KIAA1217: variants seen among roughly 807,000 people sequenced by gnomAD.
KIAA1217 encodes KIAA1217, also known as sickle tail protein homolog.
In KIAA1217, 88 loss-of-function variants were observed where a neutral mutation model predicts 163.9. The observed-to-expected ratio is 0.54, with a 90% CI of 0.45 to 0.64. KIAA1217 has a LOEUF of 0.64. KIAA1217 is among the 30% of genes least tolerant of loss of function. The probability of loss-of-function intolerance (pLI) is 0.00; values close to 1 mark genes in which losing one functional copy is unlikely to be tolerated. For missense variants in KIAA1217, 2,372 were observed against 2,475.0 expected (o/e 0.96, Z 0.88); for synonymous variants, 903 against 923.1 (o/e 0.98, Z 0.39).
At chr10:24,201,369 C>T (rs910954661) in intron 2 of KIAA1217, among the ~76,000 whole-genome samples, 3 of 152,126 alleles carry the variant, frequency 2.0e-5, no homozygotes, top group African/African-American at 7.2e-5. Flanking sequence ...CCTGGCCCAA[C>T]CAGTCATTAA....
chr10:23,979,921 TAA>T (rs1845695772), intron 1 of KIAA1217, among the ~76,000 whole-genome samples: 1 of 152,236 alleles, frequency 6.6e-6, no homozygotes, highest in Admixed American at 6.5e-5. Flanking sequence ...AAGATTTTTT[TAA>T]ACTTTATCAT....
chr10:24,327,026 T>A (rs941987445), intron 2 of KIAA1217, among the ~76,000 whole-genome samples: 6 of 152,230 alleles, frequency 3.9e-5, no homozygotes, highest in Non-Finnish European at 8.8e-5. Flanking sequence ...TCTTAGTGTT[T>A]TCAAAACACA....
intron 2 of KIAA1217, among the ~76,000 whole-genome samples, chr10:24,193,801 TACACACACACACACACAC>T (rs10562687): frequency 9.2e-4 from 131 of 142,378 alleles, no homozygotes; most frequent in African/African-American, 1.5e-3. Context: ...CAGCGTTTTC[TACACACACACACACACAC>T]ACACACACAC....
chr10:24,082,409 CT>C (rs1484338970), intron 2 of KIAA1217, among the ~76,000 whole-genome samples: 1 of 152,092 alleles, frequency 6.6e-6, no homozygotes, highest in Non-Finnish European at 1.5e-5. Flanking sequence ...ACCCCCACCC[CT>C]AACAGGCCCC....
chr10:23,921,536 A>C (rs914611888), intron 1 of KIAA1217, among the ~76,000 whole-genome samples: 6 of 152,142 alleles, frequency 3.9e-5, no homozygotes, highest in African/African-American at 1.4e-4. Context: ...GCTTCACCAA[A>C]TATTTCTTAA....
Position 24,009,875 on chromosome 10 carries a change from G to T in KIAA1217, c.-171+2501G>T, listed in dbSNP as rs540232222. On this transcript the variant is annotated intron_variant, in intron 2 of 18. Transcript: ENST00000376462. ...AGATTCGCTCTCAAAGACTTACTCT[G>T]TGATTAAGACTTACTCTGTCTGAGC... Among the ~76,000 whole-genome samples, 4 of 152,220 alleles carry T rather than the reference G, an allele frequency of 2.6e-5. No homozygotes were observed. In the South Asian group the frequency reaches 8.3e-4, roughly 32 times the overall value.
chr10:24,252,575 G>T (rs530893735), intron 2 of KIAA1217, among the ~76,000 whole-genome samples: 26 of 152,132 alleles, frequency 1.7e-4, no homozygotes, highest in African/African-American at 6.0e-4. Context: ...AAGACACTGT[G>T]TCCAAAAAAG....
chr10:24,208,454 C>CT (rs1271411552), upstream of KIAA1217, among the ~76,000 whole-genome samples: 3 of 151,322 alleles, frequency 2.0e-5, no homozygotes, highest in East Asian at 2.0e-4. Flanking sequence ...TACGTAGAAA[C>CT]TTTTTTTTAA....
intron 1 of KIAA1217, among the ~76,000 whole-genome samples, chr10:23,710,795 A>G (rs1411802280): frequency 6.6e-6 from 1 of 152,210 alleles, no homozygotes; most frequent in Non-Finnish European, 1.5e-5. Flanking sequence ...TTACAAAATA[A>G]TCTCCAGGTA....
intron 1 of KIAA1217, among the ~76,000 whole-genome samples, chr10:24,002,996 G>A (rs1402644083): frequency 6.6e-6 from 1 of 152,140 alleles, no homozygotes; most frequent in Admixed American, 6.5e-5. Flanking sequence ...TCTTATTTAT[G>A]GCTGATTAGT....
chr10:24,124,361 T>C (rs538182605), intron 2 of KIAA1217, among the ~76,000 whole-genome samples: 1 of 152,154 alleles, frequency 6.6e-6, no homozygotes, highest in Non-Finnish European at 1.5e-5. Context: ...TTTTGATTTT[T>C]AAATTAATCA....
chr10:23,745,665 A>T (rs1311168196), intron 1 of KIAA1217, among the ~76,000 whole-genome samples: 3 of 152,128 alleles, frequency 2.0e-5, no homozygotes, highest in Admixed American at 6.5e-5. Context: ...AAAGCTTGTG[A>T]AGGCTATTTG....
At chr10:23,728,434 CAT>C (rs1455839039) in intron 1 of KIAA1217, among the ~76,000 whole-genome samples, 3 of 151,306 alleles carry the variant, frequency 2.0e-5, no homozygotes, top group South Asian at 2.1e-4. Flanking sequence ...AGCTTTTTTC[CAT>C]ATGTTTGTTG....
intron 2 of KIAA1217, among the ~76,000 whole-genome samples, chr10:24,234,656 C>CAAAAAAAA (rs71397938): frequency 1.4e-5 from 1 of 73,386 alleles, no homozygotes; most frequent in South Asian, 5.9e-4. Context: ...AAAACTGTCT[C>CAAAAAAAA]AAAAAAAAAA....
At position 24,543,951 on chromosome 10, in the gene KIAA1217, G is replaced by A. The variant is rs764141082; in HGVS notation, c.4681G>A (p.Ala1561Thr). 38 of 1,614,020 alleles carry A rather than the reference G, an allele frequency of 2.4e-5. No homozygotes were observed. Among genetic ancestry groups the A allele is most frequent in the Middle Eastern group, 1.6e-4 (1 of 6,062 alleles). The part of the protein sequence containing the change: ...SPNSECKGED[A>T]TDDQFESPKK... ...AAATTCGGAATGCAAGGGTGAGGACGCGACCGATGACCAGTTTGAAAGCCC... is the reference window on the plus strand; with the variant it reads ...AAATTCGGAATGCAAGGGTGAGGACACGACCGATGACCAGTTTGAAAGCCC... The change falls in exon 19 of 21, where the codon GCG (alanine) becomes ACG (threonine). Residue 1561 changes from alanine to threonine, a missense_variant. Ala to Thr is a moderately conservative substitution (Grantham distance 58). Coordinates refer to ENST00000376454, the MANE Select transcript of KIAA1217 (RefSeq NM_019590.5).
intron 2 of KIAA1217, among the ~76,000 whole-genome samples, chr10:24,075,071 C>A (rs1337280740): frequency 6.6e-6 from 1 of 151,368 alleles, no homozygotes; most frequent in Admixed American, 6.6e-5. Context: ...ATGATAAAAC[C>A]TCTTGCAGGA....
rs117482656 is a variant in KIAA1217, at chr10:24,212,304, G to C, written c.70+3041G>C. Among the ~76,000 whole-genome samples, 1,304 of 152,278 alleles carry C rather than the reference G, an allele frequency of 8.6e-3. 17 individuals are homozygous for C. Among genetic ancestry groups the C allele is most frequent in the South Asian group, 0.011 (52 of 4,820 alleles). ...GAGTATTTACGAAGAACAGATGAGA[G>C]GGTGTTTATGGTTTGAGGTTCTGAG... On this transcript the variant is annotated intron_variant, in intron 1 of 20. Transcript: ENST00000376454.
intron 1 of KIAA1217, among the ~76,000 whole-genome samples, chr10:24,212,274 T>C (rs1188069676): frequency 3.9e-5 from 6 of 152,124 alleles, no homozygotes; most frequent in Admixed American, 2.0e-4. Context: ...TTTGCCTAAG[T>C]TGGGGAGTAT....
At chr10:23,700,476 TATA>T (rs1050506503) in intron 1 of KIAA1217, among the ~76,000 whole-genome samples, 5 of 152,238 alleles carry the variant, frequency 3.3e-5, no homozygotes, top group Admixed American at 1.3e-4. Flanking sequence ...GCTTAAATTT[TATA>T]ATATTTTCCC....
Sources: allele counts gnomAD v4.1 joint callset (sites outside exome capture counted in the v4.1 genomes callset), GRCh38; gene constraint gnomAD v4.1.1; transcripts MANE v1.5; gene names NCBI Gene and HGNC (gene_info 2026-07-23, HGNC 2026-07-21).